The following ANLN variants were observed in gnomAD, a reference collection of about 807,000 sequenced individuals.
The protein encoded by ANLN is anillin, actin binding protein, also known as anillin.
In ANLN, 59 loss-of-function variants were observed where a neutral mutation model predicts 135.1. That is an observed-to-expected ratio of 0.44 (90% CI 0.35 to 0.54). The LOEUF is 0.54. Among genes scored for constraint, ANLN ranks in the 20% least tolerant of loss-of-function variants. ANLN has a pLI of 0.00. For missense variants in ANLN, 1,182 were observed against 1,340.0 expected (o/e 0.88, Z 1.84); for synonymous variants, 406 against 456.4 (o/e 0.89, Z 1.41).
intron 1 of ANLN, among the ~76,000 whole-genome samples, chr7:36,395,587 A>G (rs995427359): frequency 6.6e-6 from 1 of 152,158 alleles, no homozygotes; most frequent in Non-Finnish European, 1.5e-5. Flanking sequence ...AGGACAAAAA[A>G]TCTTTGAGGG....
intron 5 of ANLN, among the ~76,000 whole-genome samples, chr7:36,409,947 C>T (rs1787342233): frequency 6.6e-6 from 1 of 152,122 alleles, no homozygotes. Context: ...ACTAGGGTTA[C>T]AGGTGTGAGC....
In ANLN at chr7:36,453,205, A is replaced by T. The variant is rs1297297018; in HGVS notation, c.*605A>T. 1 of 152,256 alleles carries T rather than the reference A, an allele frequency of 6.6e-6. No individual in the cohort carries two copies. Among genetic ancestry groups the T allele is most frequent in the Non-Finnish European group, 1.5e-5 (1 of 68,072 alleles). The allele number at this position is 152,256 out of a possible 1,614,324, so 9.4% of individuals were successfully genotyped here. A position where few individuals can be genotyped will look rare whatever the true frequency, so the allele number is the denominator to read the frequency against. On this transcript the variant is annotated 3_prime_UTR_variant, in exon 24 of 24. Coordinates refer to ENST00000265748, the MANE Select transcript of ANLN (RefSeq NM_018685.5). The stretch of plus-strand genomic sequence containing the variant: ...AATGTGTGAGACTTGGGGGTTCAAT[A>T]TTTTATATAGAAGAGTTAATAAGCA...
rs200989750 is a variant in ANLN at position 36,396,278 on chromosome 7, C to T, written c.31C>T (p.Arg11Ter). MDPFTEKLLERTRARRENLQR... is the reference protein window; with the variant it reads MDPFTEKLLE ...TTTATTTATGTAGAAACTGCTGGAG[C>T]GAACCCGTGCCAGGCGAGAGAATCT... Residue 11 changes from arginine to a stop codon, truncating the protein, a stop_gained, in exon 2 of 24, where the codon CGA becomes TGA. Transcript: ENST00000265748. LOFTEE classifies it high-confidence loss of function. The T allele has an allele frequency of 3.5e-4, 555 of 1,600,342 alleles. No individual in the cohort carries two copies. Among genetic ancestry groups the T allele is most frequent in the South Asian group, 6.4e-4 (57 of 89,496 alleles).
At chr7:36,424,884 A>G in intron 17 of ANLN, 142 bp downstream of exon 17, 1 of 726,722 alleles carries the variant, frequency 1.4e-6, no homozygotes, top group South Asian at 2.0e-5. Flanking sequence ...TACTATGTTA[A>G]ATAGGTATGA....
intron 12 of ANLN, 139 bp from the exon 13 acceptor site, chr7:36,421,718 T>C (rs1787883505): frequency 1.4e-6 from 1 of 691,892 alleles, no homozygotes; most frequent in Non-Finnish European, 2.3e-6. Context: ...GTCGAGAAAC[T>C]TGAGCAGTGA....
intron 21 of ANLN, among the ~76,000 whole-genome samples, chr7:36,439,922 AG>A (rs1464567816): frequency 6.6e-6 from 1 of 152,196 alleles, no homozygotes; most frequent in Non-Finnish European, 1.5e-5. Context: ...AGAGTCAGCG[AG>A]TTACTCTTAC....
At chr7:36,428,589 G>A (rs1583636697) in intron 20 of ANLN, among the ~76,000 whole-genome samples, 1 of 151,866 alleles carries the variant, frequency 6.6e-6, no homozygotes, top group Non-Finnish European at 1.5e-5. Context: ...CATGTTTGGT[G>A]TTTGGGTCTT....
At chr7:36,401,261 C>T (rs934991648) in intron 3 of ANLN, among the ~76,000 whole-genome samples, 2 of 152,136 alleles carry the variant, frequency 1.3e-5, no homozygotes, top group Admixed American at 6.5e-5. Context: ...TAAACCTGTC[C>T]ACAGTTAGCC....
chr7:36,442,279 A>G (rs936999850), intron 21 of ANLN, among the ~76,000 whole-genome samples: 12 of 152,268 alleles, frequency 7.9e-5, no homozygotes, highest in African/African-American at 2.9e-4. Flanking sequence ...CTTCTCAACA[A>G]TCAGAGAAGT....
At chr7:36,401,418 A>C (rs1237262353) in intron 3 of ANLN, among the ~76,000 whole-genome samples, 1 of 152,170 alleles carries the variant, frequency 6.6e-6, no homozygotes, top group East Asian at 1.9e-4. Context: ...GGCTCACTGC[A>C]ACCTCCGCCT....
chr7:36,414,038 C>T (rs528629159), intron 7 of ANLN, among the ~76,000 whole-genome samples: 33 of 151,872 alleles, frequency 2.2e-4, no homozygotes, highest in African/African-American at 4.6e-4. Context: ...AGAAAACTTT[C>T]GAGAAGGAAG....
intron 4 of ANLN, 138 bp from the exon 5 acceptor site, chr7:36,407,596 C>G (rs1380159192): frequency 1.5e-6 from 1 of 667,758 alleles, no homozygotes; most frequent in African/African-American, 1.8e-5. Context: ...TTTGTTTGAT[C>G]TATTAGAGAG....
chr7:36,432,295 T>C (rs1328788493), intron 20 of ANLN, among the ~76,000 whole-genome samples: 1 of 152,242 alleles, frequency 6.6e-6, no homozygotes, highest in Non-Finnish European at 1.5e-5. Context: ...ATTTTCTTAA[T>C]GGTGTCTGGG....
At chr7:36,417,532 T>G (rs1459136158) in intron 9 of ANLN, among the ~76,000 whole-genome samples, 1 of 152,126 alleles carries the variant, frequency 6.6e-6, no homozygotes, top group Non-Finnish European at 1.5e-5. Flanking sequence ...AAGACTTTTG[T>G]GACCAGTTCA....
intron 21 of ANLN, among the ~76,000 whole-genome samples, chr7:36,443,313 A>G (rs1452718731): frequency 6.6e-6 from 1 of 152,194 alleles, no homozygotes; most frequent in East Asian, 1.9e-4. Context: ...AGAAAACTTG[A>G]TCTCCTGAAT....
intron 3 of ANLN, among the ~76,000 whole-genome samples, chr7:36,399,894 A>G (rs1296952903): frequency 1.3e-5 from 2 of 152,178 alleles, no homozygotes; most frequent in Non-Finnish European, 2.9e-5. Flanking sequence ...TCATGAGCCT[A>G]TAATCGGAAG....
intron 22 of ANLN, among the ~76,000 whole-genome samples, chr7:36,447,633 A>C (rs1384770187): frequency 6.6e-6 from 1 of 151,886 alleles, no homozygotes; most frequent in East Asian, 1.9e-4. Context: ...TCACCGTGTT[A>C]GCCAGGATGG....
chr7:36,412,958 G>A (rs1423479385), intron 7 of ANLN, among the ~76,000 whole-genome samples: 1 of 149,532 alleles, frequency 6.7e-6, no homozygotes, highest in Non-Finnish European at 1.5e-5. Flanking sequence ...TTCTCAAAGT[G>A]TCCCACTTTT....
At chr7:36,436,898 A>G (rs557065054) in intron 20 of ANLN, among the ~76,000 whole-genome samples, 2 of 152,318 alleles carry the variant, frequency 1.3e-5, no homozygotes, top group African/African-American at 4.8e-5. Context: ...CAGATATATA[A>G]TTGACAAATA....
Sources: allele counts gnomAD v4.1 joint callset (sites outside exome capture counted in the v4.1 genomes callset), GRCh38; gene constraint gnomAD v4.1.1; transcripts MANE v1.5; gene names NCBI Gene and HGNC (gene_info 2026-07-23, HGNC 2026-07-21).